Variants in CCT7 observed in about 807,000 individuals in gnomAD.
CCT7 encodes chaperonin containing TCP1 subunit 7.
Under a neutral mutation model 56.6 loss-of-function variants are expected in CCT7, and 16 were observed. That is an observed-to-expected ratio of 0.28 (90% confidence interval 0.19 to 0.43). CCT7 has a LOEUF of 0.43. CCT7 is among the 20% of genes least tolerant of loss of function. CCT7 has a pLI of 1.00. For missense variants in CCT7, 519 were observed against 685.6 expected (o/e 0.76, Z 2.71); for synonymous variants, 262 against 254.8 (o/e 1.03, Z -0.27).
In CCT7 at chr2:73,252,828, A is replaced by AGGCCGG. The variant is rs1240438992; in HGVS notation, c.1605_1610dup (p.Gly540_Arg541dup). The AGGCCGG allele has an allele frequency of 6.2e-7, 1 of 1,614,020 alleles. No homozygotes were observed. The highest frequency in any genetic ancestry group is 8.5e-7 in the Non-Finnish European group (1 of 1,179,990). ...CGACTGTGGATGCTCCCACAGCAGC[A>AGGCCGG]GGCCGGGGCCGTGGTCGTGGCCGCC... On this transcript the variant is annotated inframe_insertion, in exon 12 of 12. Coordinates refer to ENST00000258091, the MANE Select transcript of CCT7 (RefSeq NM_006429.4).
chr2:73,238,914 G>A (rs1686989340), intron 1 of CCT7, among the ~76,000 whole-genome samples: 1 of 152,236 alleles, frequency 6.6e-6, no homozygotes, highest in Admixed American at 6.5e-5. Context: ...AGCCCTTACG[G>A]GGATAGGGAA....
Position 73,249,162 on chromosome 2 carries a change from C to T in CCT7, c.955C>T (p.Leu319=). Residue 319 remains leucine, a synonymous_variant, in exon 8 of 12, where the codon CTG becomes TTG. Transcript: ENST00000258091. The part of the protein sequence containing the change: ...FCAGRVPEED[L]KRTMMACGGS... ...TGCTGGCCGAGTACCTGAGGAGGAT[C>T]TGAAGAGGACAATGATGGTAACCAG... 3 of 1,609,488 alleles carry T rather than the reference C, an allele frequency of 1.9e-6. No homozygotes were observed. The highest frequency in any genetic ancestry group is 4.5e-5 in the East Asian group (2 of 44,746).
At chr2:73,245,301 C>G (rs1168682405) in intron 6 of CCT7, among the ~76,000 whole-genome samples, 2 of 152,190 alleles carry the variant, frequency 1.3e-5, no homozygotes. Flanking sequence ...CTGTAGCTTG[C>G]TTTTGTCCAT....
At chr2:73,234,558 G>C (rs926942913) in intron 1 of CCT7, among the ~76,000 whole-genome samples, 174 bp downstream of exon 1, 1 of 152,056 alleles carries the variant, frequency 6.6e-6, no homozygotes, top group African/African-American at 2.4e-5. Flanking sequence ...GCCCGAGCAC[G>C]GCGCTGGAGC....
At chr2:73,234,792 G>A (rs1408727959) in intron 1 of CCT7, among the ~76,000 whole-genome samples, 2 of 152,232 alleles carry the variant, frequency 1.3e-5, no homozygotes, top group African/African-American at 2.4e-5. Context: ...CTGTAAAGAC[G>A]TGTGCTTCTT....
Position 73,249,050 on chromosome 2 carries a change from C to G in CCT7, c.843C>G (p.Ile281Met). The G allele has an allele frequency of 6.2e-7, 1 of 1,614,036 alleles. No individual in the cohort carries two copies. The highest frequency in any genetic ancestry group is 8.5e-7 in the Non-Finnish European group (1 of 1,179,976). ...TTCTCTATGACAAGTTAGAGAAGAT[C>G]CATCATTCTGGAGCCAAAGTTGTCT... ...WNILYDKLEK[I>M]HHSGAKVVLS... The change falls in exon 8 of 12, where the codon ATC (isoleucine) becomes ATG (methionine). Residue 281 changes from isoleucine (I) to methionine (M), a missense_variant. Physicochemically the swap from Ile to Met is conservative, Grantham distance 10. Around this residue, in one of 3 missense-constraint regions of CCT7, gnomAD observed 276 missense variants for 357.3 expected, o/e 0.77. Coordinates refer to ENST00000258091, the MANE Select transcript of CCT7 (RefSeq NM_006429.4).
intron 6 of CCT7, 136 bp downstream of exon 6, chr2:73,244,851 T>A: frequency 3.4e-6 from 2 of 588,480 alleles, no homozygotes; most frequent in Non-Finnish European, 5.6e-6. Flanking sequence ...TACATTGTAC[T>A]TTCCATACTG....
rs767123799 is a variant in CCT7, at chr2:73,249,299, TTTAACTCTTTTTTTTC to T, written c.972+121_972+136del. 6.7e-4 allele frequency: 493 copies of T among 740,522 alleles called. 1 individual carries two copies. Among genetic ancestry groups the T allele is most frequent in the Non-Finnish European group, 9.3e-4 (442 of 476,674 alleles). The allele number at this position is 740,522 out of a possible 1,614,324, so 45.9% of individuals were successfully genotyped here. A position where few individuals can be genotyped will look rare whatever the true frequency, so the allele number is the denominator to read the frequency against. On this transcript the variant is annotated intron_variant, in intron 8 of 11. Coordinates refer to ENST00000258091, the MANE Select transcript of CCT7 (RefSeq NM_006429.4). The stretch of plus-strand genomic sequence containing the variant: ...TGTGAATTGAGCCCTGTTTTTTTTT[TTTAACTCTTTTTTTTC>T]CAGGACACATTCCATTTCCATGTGT...
chr2:73,240,315 T>C, intron 2 of CCT7, 122 bp from the exon 3 acceptor site: 1 of 555,198 alleles, frequency 1.8e-6, no homozygotes, highest in Non-Finnish European at 3.1e-6. Context: ...TAGGTATCCT[T>C]TCCCTTCAGC....
intron 1 of CCT7, among the ~76,000 whole-genome samples, chr2:73,238,133 A>G (rs1440492778): frequency 3.3e-5 from 5 of 152,180 alleles, no homozygotes; most frequent in South Asian, 2.1e-4. Flanking sequence ...GGGTCTTGCC[A>G]TGTTCCCCAG....
chr2:73,241,738 GT>G (rs71846554), intron 3 of CCT7, among the ~76,000 whole-genome samples: 10,311 of 144,896 alleles, frequency 0.071, 432 homozygotes, highest in East Asian at 0.19. Context: ...ATTCCCAGTA[GT>G]TTTTTTTTTT....
At chr2:73,241,934 T>C (rs1687134695) in intron 3 of CCT7, among the ~76,000 whole-genome samples, 2 of 151,840 alleles carry the variant, frequency 1.3e-5, no homozygotes, top group South Asian at 4.2e-4. Flanking sequence ...AGAGACGGGG[T>C]TTCACCATGT....
chr2:73,247,846 C>A lies in CCT7; in HGVS notation c.703C>A (p.Pro235Thr). 6.2e-7 allele frequency: 1 copy of A among 1,614,150 alleles called. No individual in the cohort carries two copies. Among genetic ancestry groups the A allele is most frequent in the East Asian group, 2.2e-5 (1 of 44,876 alleles). ...FEMQPKKYHN[P>T]KIALLNVELE... Reference sequence around the variant, plus strand: ...AATGCAACCCAAAAAGTACCACAATCCCAAGATTGCCCTTTTGAATGTCGA... The same window carrying A: ...AATGCAACCCAAAAAGTACCACAATACCAAGATTGCCCTTTTGAATGTCGA... Residue 235 changes from proline (P) to threonine (T), a missense_variant, in exon 7 of 12, where the codon CCC becomes ACC. This residue lies in a region of CCT7 where 276 missense variants were observed against 357.3 expected (regional missense o/e 0.77). Transcript: ENST00000258091.
Position 73,244,632 on chromosome 2 carries a change from G to C in CCT7, c.535G>C (p.Val179Leu), listed in dbSNP as rs1687258645. 6.2e-7 allele frequency: 1 copy of C among 1,613,778 alleles called. No individual in the cohort carries two copies. The highest frequency in any genetic ancestry group is 1.1e-5 in the South Asian group (1 of 91,072). Reference sequence around the variant, plus strand: ...GCAGAAAGCTTTCTTTGCTAAGATGGTGGTGGATGCAGTGATGATGCTCGA... The same window carrying C: ...GCAGAAAGCTTTCTTTGCTAAGATGCTGGTGGATGCAGTGATGATGCTCGA... ...SQQKAFFAKM[V>L]VDAVMMLDDL... Residue 179 changes from valine (V) to leucine (L), a missense_variant, in exon 6 of 12, where the codon GTG becomes CTG. Physicochemically the swap from Val to Leu is conservative, Grantham distance 32. This residue lies in a region of CCT7 where 276 missense variants were observed against 357.3 expected (regional missense o/e 0.77). Transcript: ENST00000258091.
rs750927656 is a variant in CCT7, at chr2:73,249,185, C to A, written c.972+6C>A. ...ATCTGAAGAGGACAATGATGGTAAC[C>A]AGATTTTCACAGGCTGCTTCTCGGC... is the stretch of plus-strand genomic sequence containing the variant. On this transcript the variant is annotated splice_donor_region_variant and intron_variant, in intron 8 of 11. Transcript: ENST00000258091. 1 of 1,590,402 alleles carries A rather than the reference C, an allele frequency of 6.3e-7. No individual in the cohort carries two copies. Among genetic ancestry groups the A allele is most frequent in the Non-Finnish European group, 8.6e-7 (1 of 1,163,504 alleles).
intron 1 of CCT7, among the ~76,000 whole-genome samples, chr2:73,238,801 C>G (rs1047554849): frequency 2.7e-4 from 41 of 152,186 alleles, no homozygotes; most frequent in Non-Finnish European, 5.9e-5. Context: ...AAATTGCTCT[C>G]TCTGCTAATA....
At chr2:73,248,678 A>G (rs1687448660) in intron 7 of CCT7, among the ~76,000 whole-genome samples, 1 of 152,162 alleles carries the variant, frequency 6.6e-6, no homozygotes, top group Non-Finnish European at 1.5e-5. Flanking sequence ...TGGGAACTCC[A>G]TGAATCCAGC....
rs1190834651 is a variant in CCT7, at chr2:73,250,433, A to G, written c.1198A>G (p.Ile400Val). 3 of 1,613,850 alleles carry G rather than the reference A, an allele frequency of 1.9e-6. No homozygotes were observed. Among genetic ancestry groups the G allele is most frequent in the Admixed American group, 3.3e-5 (2 of 60,004 alleles). ...HDAIMIVRRAIKNDSVVAGGG... is the reference protein window; with the variant it reads ...HDAIMIVRRAVKNDSVVAGGG... ...TGCCATCATGATCGTCAGGAGGGCC[A>G]TCAAGGTACTGGGCTGATATCCTCC... is the stretch of plus-strand genomic sequence containing the variant. Residue 400 changes from isoleucine to valine, a missense_variant, in exon 10 of 12, where the codon ATC becomes GTC. Physicochemically the swap from Ile to Val is conservative, Grantham distance 29. Coordinates refer to ENST00000258091, the MANE Select transcript of CCT7 (RefSeq NM_006429.4).
intron 3 of CCT7, among the ~76,000 whole-genome samples, chr2:73,242,162 C>T (rs1315572808): frequency 6.6e-6 from 1 of 151,572 alleles, no homozygotes; most frequent in East Asian, 2.0e-4. Flanking sequence ...TGGCTCATGC[C>T]TGTAATTCTA....
Sources: gnomAD v4.1 joint callset for allele counts (sites outside exome capture counted in the v4.1 genomes callset) on GRCh38, gnomAD v4.1.1 for gene constraint, gnomAD v4.1.1 regional missense constraint, MANE v1.5 for transcripts, NCBI Gene and HGNC (gene_info 2026-07-23, HGNC 2026-07-21) for gene names.